Variants in GRXCR1 observed in about 807,000 individuals in gnomAD.
The protein encoded by GRXCR1 is glutaredoxin domain-containing cysteine-rich protein 1.
GRXCR1 carries 27 observed loss-of-function variants against 27.3 expected under a neutral mutation model. The ratio of observed to expected loss-of-function variants is 0.99; its 90% CI spans 0.73 to 1.37. The LOEUF (loss-of-function observed/expected upper bound fraction) is 1.37, where lower values mean the gene tolerates loss of function less well. Among genes scored for constraint, GRXCR1 ranks in the 40% most tolerant of loss-of-function variants. The pLI is 0.00. For missense variants in GRXCR1, 379 were observed against 354.4 expected, an observed-to-expected ratio of 1.07 and a Z score of -0.56; for synonymous variants, 122 against 131.1, an observed-to-expected ratio of 0.93 and a Z score of 0.47.
chr4:42,923,100 T>C (rs534770420), intron 1 of GRXCR1, among the ~76,000 whole-genome samples: 132 of 152,242 alleles, frequency 8.7e-4, no homozygotes, highest in African/African-American at 3.1e-3. Flanking sequence ...AATGATTCTC[T>C]TGGACTTCTC....
In GRXCR1 at chr4:42,916,251, G is replaced by A. The variant is rs554247242; in HGVS notation, c.384+22601G>A. Among the ~76,000 whole-genome samples the A allele has an allele frequency of 2.0e-5, 3 of 152,214 alleles. No homozygotes were observed. The East Asian group carries it at 5.8e-4, about 30-fold the overall frequency. On this transcript the variant is annotated intron_variant, in intron 1 of 3. Transcript: ENST00000399770. Reference sequence around the variant, plus strand: ...TGAAAGCCCTCAGCAGACCCAGAGAGCAATTGGTCCAGACTGGATTAATTC... The same window carrying A: ...TGAAAGCCCTCAGCAGACCCAGAGAACAATTGGTCCAGACTGGATTAATTC...
intron 1 of GRXCR1, among the ~76,000 whole-genome samples, chr4:42,943,310 T>C (rs1747665388): frequency 6.6e-6 from 1 of 152,124 alleles, no homozygotes; most frequent in Admixed American, 6.6e-5. Context: ...GAGGGAAATA[T>C]ACTGAAAGTG....
At chr4:42,918,584 T>A (rs2109749393) in intron 1 of GRXCR1, among the ~76,000 whole-genome samples, 1 of 152,300 alleles carries the variant, frequency 6.6e-6, no homozygotes, top group African/African-American at 2.4e-5. Flanking sequence ...AAAGAGCAGA[T>A]GACAACACCA....
At chr4:43,025,421 G>A (rs1382564123) in intron 3 of GRXCR1, among the ~76,000 whole-genome samples, 3 of 152,172 alleles carry the variant, frequency 2.0e-5, no homozygotes, top group African/African-American at 4.8e-5. Flanking sequence ...TAAGTAAAAG[G>A]TCTCACTCAC....
chr4:42,943,231 T>G (rs1002647599), intron 1 of GRXCR1, among the ~76,000 whole-genome samples: 3 of 152,132 alleles, frequency 2.0e-5, no homozygotes, highest in Admixed American at 6.6e-5. Flanking sequence ...CATTGCCTGA[T>G]GCATAGTTAA....
Position 42,893,460 on chromosome 4 carries a change from A to G in GRXCR1, c.194A>G (p.His65Arg), listed in dbSNP as rs751142228. The change falls in exon 1 of 4, where the codon CAC (histidine) becomes CGC (arginine). Residue 65 changes from histidine to arginine, a missense_variant. By Grantham distance (29) the His-to-Arg change is conservative. Coordinates refer to ENST00000399770, the MANE Select transcript of GRXCR1 (RefSeq NM_001080476.3). ...GATTCCGATGGACAGCAGAATGGCC[A>G]CATAGAGTCAGAAGGTGATGAGAAT... ...LGDSDGQQNG[H>R]IESEGDENEN... 1 of 1,613,876 alleles carries G rather than the reference A, an allele frequency of 6.2e-7. No individual in the cohort carries two copies. Among genetic ancestry groups the G allele is most frequent in the South Asian group, 1.1e-5 (1 of 91,082 alleles).
intron 1 of GRXCR1, among the ~76,000 whole-genome samples, chr4:42,920,999 A>G (rs753298877): frequency 7.9e-5 from 12 of 152,108 alleles, no homozygotes; most frequent in Non-Finnish European, 1.2e-4. Flanking sequence ...CACAGGCTCT[A>G]TTAGTACCTA....
chr4:42,970,002 A>G (rs534791580), intron 2 of GRXCR1, among the ~76,000 whole-genome samples: 19 of 152,200 alleles, frequency 1.2e-4, no homozygotes, highest in Non-Finnish European at 2.5e-4. Context: ...AAAATTGGCC[A>G]AAACCAAGGG....
chr4:42,987,241 A>ATATTATATATATATAATATATAATAT (rs1276367661), intron 2 of GRXCR1, among the ~76,000 whole-genome samples: 1 of 66,466 alleles, frequency 1.5e-5, no homozygotes, highest in Non-Finnish European at 3.1e-5. Flanking sequence ...ATATATATAT[A>ATATTATATATATATAATATATAATAT]ATATATAATA....
intron 1 of GRXCR1, 114 bp downstream of exon 1, chr4:42,893,764 T>C: frequency 2.1e-6 from 2 of 971,484 alleles, no homozygotes; most frequent in African/African-American, 1.6e-5. Context: ...ACATGCTTCA[T>C]GAGACGCTCC....
rs770213665 is a variant in GRXCR1 at position 42,893,294 on chromosome 4, A to G, written c.28A>G (p.Ser10Gly). 2 of 1,613,684 alleles carry G rather than the reference A, an allele frequency of 1.2e-6. No homozygotes were observed. Among genetic ancestry groups the G allele is most frequent in the Admixed American group, 1.7e-5 (1 of 59,960 alleles). The change falls in exon 1 of 4, where the codon AGT becomes GGT. Residue 10 changes from serine (S) to glycine (G), a missense_variant. Ser to Gly is a moderately conservative substitution (Grantham distance 56, BLOSUM62 0). Coordinates refer to ENST00000399770, the MANE Select transcript of GRXCR1 (RefSeq NM_001080476.3). ...GCTTAAAAGGGAGATGAAGCCAGAAAGTGACAGGCCACGGAAAGTCCGGTT... is the reference window on the plus strand; with the variant it reads ...GCTTAAAAGGGAGATGAAGCCAGAAGGTGACAGGCCACGGAAAGTCCGGTT... MLKREMKPE[S>G]DRPRKVRFRI...
At chr4:43,029,694 A>G (rs1391593510) in intron 3 of GRXCR1, among the ~76,000 whole-genome samples, 1 of 152,216 alleles carries the variant, frequency 6.6e-6, no homozygotes, top group Non-Finnish European at 1.5e-5. Flanking sequence ...AAATAGACTT[A>G]CAGAAATGTC....
chr4:42,912,245 G>T (rs555392141), intron 1 of GRXCR1, among the ~76,000 whole-genome samples: 7 of 152,260 alleles, frequency 4.6e-5, no homozygotes, highest in African/African-American at 1.7e-4. Context: ...TTGAAGGAGA[G>T]CAGTTTGTAG....
chr4:43,000,246 G>C (rs1344159752), intron 2 of GRXCR1, among the ~76,000 whole-genome samples: 1 of 152,218 alleles, frequency 6.6e-6, no homozygotes, highest in South Asian at 2.1e-4. Context: ...TTGGGAGGCC[G>C]AGGCAGGTGG....
chr4:42,893,380 G>C lies in GRXCR1; in HGVS notation c.114G>C (p.Pro38=). Residue 38 remains proline (P), a synonymous_variant, in exon 1 of 4, where the codon CCG becomes CCC. Transcript: ENST00000399770. ...AGGAAGTGTATGAAGATGGGCAACC[G>C]TCAGGCTCTCTGGATTCTGAATGTG... is the stretch of plus-strand genomic sequence containing the variant. ...VLKEVYEDGQ[P]SGSLDSECAS... is the part of the protein sequence containing the mutation. 6.2e-7 allele frequency: 1 copy of C among 1,613,820 alleles called. No individual in the cohort carries two copies. Among genetic ancestry groups the C allele is most frequent in the Non-Finnish European group, 8.5e-7 (1 of 1,179,808 alleles).
At chr4:42,918,323 C>G (rs1227354702) in intron 1 of GRXCR1, among the ~76,000 whole-genome samples, 1 of 152,110 alleles carries the variant, frequency 6.6e-6, no homozygotes, top group Middle Eastern at 3.2e-3. Flanking sequence ...TCCCATGAGG[C>G]CACTCTTACT....
chr4:42,951,792 T>A (rs1016315794), intron 1 of GRXCR1, among the ~76,000 whole-genome samples: 1 of 152,194 alleles, frequency 6.6e-6, no homozygotes, highest in Non-Finnish European at 1.5e-5. Flanking sequence ...GTTTCTTGAT[T>A]TTTTAATAAT....
rs536761613 is a variant in GRXCR1 at position 43,004,544 on chromosome 4, A to G, written c.628-15810A>G. Reference sequence around the variant, plus strand: ...GCCCATGAAATCATCTGTGGGGGGTAACCCTGCAGAGTGACAGGGGTGGAA... The same window carrying G: ...GCCCATGAAATCATCTGTGGGGGGTGACCCTGCAGAGTGACAGGGGTGGAA... On this transcript the variant is annotated intron_variant, in intron 2 of 3. Transcript: ENST00000399770. 7.2e-5 allele frequency among the ~76,000 whole-genome samples: 11 copies of G among 152,322 alleles called. 1 individual carries two copies. In the South Asian group the frequency reaches 1.9e-3, roughly 26 times the overall value.
intron 2 of GRXCR1, among the ~76,000 whole-genome samples, chr4:42,997,045 C>T (rs527840149): frequency 6.6e-6 from 1 of 152,040 alleles, no homozygotes. Flanking sequence ...AGTTGGTAGC[C>T]ATTTTGACAA....
Sources: allele counts gnomAD v4.1 joint callset (sites outside exome capture counted in the v4.1 genomes callset), GRCh38; gene constraint gnomAD v4.1.1; transcripts MANE v1.5; gene names NCBI Gene and HGNC (gene_info 2026-07-23, HGNC 2026-07-21).